Variants in UTP20 observed in about 807,000 individuals in gnomAD.
UTP20 encodes the protein UTP20 small subunit processome component.
A neutral mutation model predicts 329.5 loss-of-function variants in UTP20; 164 were observed. The ratio of observed to expected loss-of-function variants is 0.50; its 90% CI spans 0.44 to 0.57. The LOEUF (loss-of-function observed/expected upper bound fraction) is 0.57, where lower values mean the gene tolerates loss of function less well. Among genes scored for constraint, UTP20 ranks in the 20% least tolerant of loss-of-function variants. The pLI, the probability that UTP20 is intolerant of heterozygous loss-of-function variation, is 0.00. For missense variants in UTP20, 3,055 were observed against 3,284.2 expected (o/e 0.93, Z 1.71); for synonymous variants, 1,151 against 1,159.3 (o/e 0.99, Z 0.14).
At position 101,344,694 on chromosome 12, in the gene UTP20, A is replaced by G; in HGVS notation, c.4549A>G (p.Ile1517Val). The G allele has an allele frequency of 6.2e-7, 1 of 1,613,208 alleles. No individual in the cohort carries two copies. Among genetic ancestry groups the G allele is most frequent in the Non-Finnish European group, 8.5e-7 (1 of 1,179,156 alleles). Residue 1517 changes from isoleucine (I) to valine (V), a missense_variant, in exon 36 of 62, where the codon ATC becomes GTC. This residue lies in a region of UTP20 where 2,445 missense variants were observed against 2,575.5 expected (regional missense o/e 0.95). Coordinates refer to ENST00000261637, the MANE Select transcript of UTP20 (RefSeq NM_014503.3). ...LNVTEKDYRE[I>V]IHRSLLEKLR... Reference sequence around the variant, plus strand: ...TGTCACAGAGAAAGACTATAGAGAAATCATCCACCGTTCACTCCTGGAGAA... The same window carrying G: ...TGTCACAGAGAAAGACTATAGAGAAGTCATCCACCGTTCACTCCTGGAGAA...
chr12:101,305,179 AC>A (rs1872616698), intron 15 of UTP20, among the ~76,000 whole-genome samples: 1 of 151,442 alleles, frequency 6.6e-6, no homozygotes, highest in South Asian at 2.1e-4. Context: ...GTTTCTCCAA[AC>A]CTGGTTTCAT....
intron 21 of UTP20, among the ~76,000 whole-genome samples, chr12:101,315,811 A>G (rs1230524995): frequency 6.6e-6 from 1 of 152,170 alleles, no homozygotes; most frequent in Non-Finnish European, 1.5e-5. Context: ...ACTTCATACC[A>G]TGTTAATTTT....
intron 51 of UTP20, 35 bp downstream of exon 51, chr12:101,371,203 T>C: frequency 2.0e-6 from 3 of 1,486,846 alleles, no homozygotes; most frequent in East Asian, 4.8e-5. Context: ...TAGCAAGGGC[T>C]GGGCCCTGCC....
At chr12:101,355,241 C>T in intron 41 of UTP20, 123 bp downstream of exon 41, 1 of 1,137,930 alleles carries the variant, frequency 8.8e-7, no homozygotes, top group East Asian at 2.5e-5. Flanking sequence ...TTTATCTCAA[C>T]ACTTCACAAT....
At position 101,338,868 on chromosome 12, in the gene UTP20, G is replaced by T. The variant is rs761558757; in HGVS notation, c.3924G>T (p.Gln1308His). 3 of 1,612,180 alleles carry T rather than the reference G, an allele frequency of 1.9e-6. No individual in the cohort carries two copies. Among genetic ancestry groups the T allele is most frequent in the Admixed American group, 1.7e-5 (1 of 59,560 alleles). Residue 1308 changes from glutamine (Q) to histidine (H), a missense_variant, in exon 31 of 62, where the codon CAG becomes CAT. Gln to His is a conservative substitution (Grantham distance 24). Coordinates refer to ENST00000261637, the MANE Select transcript of UTP20 (RefSeq NM_014503.3). ...TACCTCATGTACCTGCAATTCTTCA[G>T]TATCTCAGCAAAACCACAATAAGCG... ...LILPHVPAIL[Q>H]YLSKTTISAE...
intron 21 of UTP20, among the ~76,000 whole-genome samples, chr12:101,313,017 GAC>G (rs1339065265): frequency 6.6e-6 from 1 of 152,118 alleles, no homozygotes; most frequent in Non-Finnish European, 1.5e-5. Context: ...ATTTTCCAGT[GAC>G]CCAACAGCAA....
chr12:101,303,176 A>G (rs1397911918), intron 15 of UTP20, among the ~76,000 whole-genome samples: 1 of 152,176 alleles, frequency 6.6e-6, no homozygotes, highest in East Asian at 1.9e-4. Context: ...CACTTTGTTC[A>G]GTAGGTAATC....
At chr12:101,327,463 TA>T (rs1372006093) in intron 26 of UTP20, among the ~76,000 whole-genome samples, 1 of 152,250 alleles carries the variant, frequency 6.6e-6, no homozygotes, top group African/African-American at 2.4e-5. Flanking sequence ...ACCCTTGTGT[TA>T]GAGCCCCTGA....
chr12:101,287,509 T>C (rs897697494), intron 5 of UTP20, among the ~76,000 whole-genome samples: 9 of 152,260 alleles, frequency 5.9e-5, no homozygotes, highest in African/African-American at 2.2e-4. Flanking sequence ...CTATTTTCAC[T>C]TGTATTACTG....
intron 12 of UTP20, among the ~76,000 whole-genome samples, chr12:101,299,236 A>G (rs1156779173): frequency 6.6e-6 from 1 of 152,204 alleles, no homozygotes; most frequent in African/African-American, 2.4e-5. Context: ...GCAGGAGAAA[A>G]TTACTTATAT....
At chr12:101,292,366 T>C (rs1872187190) in intron 10 of UTP20, among the ~76,000 whole-genome samples, 1 of 152,206 alleles carries the variant, frequency 6.6e-6, no homozygotes, top group African/African-American at 2.4e-5. Context: ...TAAGCACATA[T>C]TGCAGTAAGC....
At position 101,280,170 on chromosome 12, in the gene UTP20, T is replaced by C; in HGVS notation, c.-113T>C. ...GGCTCAAGCCGCACGTGAGAAAGTC[T>C]GGGCATCTGGGAATCGGAGAGTATA... is the stretch of plus-strand genomic sequence containing the variant. On this transcript the variant is annotated 5_prime_UTR_variant, in exon 1 of 62. Coordinates refer to ENST00000261637, the MANE Select transcript of UTP20 (RefSeq NM_014503.3). The C allele has an allele frequency of 7.3e-7, 1 of 1,365,728 alleles. No individual in the cohort carries two copies. The allele number at this position is 1,365,728 out of a possible 1,614,324, so 84.6% of individuals were successfully genotyped here. A position where few individuals can be genotyped will look rare whatever the true frequency, so the allele number is the denominator to read the frequency against.
chr12:101,348,695 T>C (rs540482500), intron 38 of UTP20, among the ~76,000 whole-genome samples: 10 of 150,942 alleles, frequency 6.6e-5, no homozygotes, highest in Non-Finnish European at 1.3e-4. Context: ...GGAGGATTTT[T>C]TTGTTGTTGT....
At chr12:101,350,006 C>G (rs944155659) in intron 38 of UTP20, among the ~76,000 whole-genome samples, 1 of 152,040 alleles carries the variant, frequency 6.6e-6, no homozygotes, top group Non-Finnish European at 1.5e-5. Context: ...TCTTCCCTCT[C>G]AGAATTGTCT....
chr12:101,326,809 A>G, intron 25 of UTP20: 1 of 222,556 alleles, frequency 4.5e-6, no homozygotes, highest in Non-Finnish European at 8.7e-6. Context: ...GGCTGGCTTT[A>G]AACTCCTGAG....
Position 101,354,813 on chromosome 12 carries a change from T to A in UTP20, c.5108-19T>A. On this transcript the variant is annotated intron_variant, in intron 40 of 61. Transcript: ENST00000261637. The stretch of plus-strand genomic sequence containing the variant: ...TCATTATTTGCTTTAAGGTGACTTT[T>A]GTTGTTTATTAAACATAGACGCAAT... 6.2e-7 allele frequency: 1 copy of A among 1,602,722 alleles called. No individual in the cohort carries two copies. The highest frequency in any genetic ancestry group is 1.1e-5 in the South Asian group (1 of 89,196).
intron 21 of UTP20, 42 bp from the exon 22 acceptor site, chr12:101,317,436 T>A: frequency 6.3e-7 from 1 of 1,597,292 alleles, no homozygotes; most frequent in South Asian, 1.1e-5. Flanking sequence ...CAGATTGGTG[T>A]GCGTTCTTCA....
Position 101,280,111 on chromosome 12 carries a change from G to C in UTP20, c.-172G>C, listed in dbSNP as rs1374285001. The stretch of plus-strand genomic sequence containing the variant: ...TTTTCCGTCCACGTGACCCACTCAG[G>C]CTCCTCCTTGTCTCCAACATGGCGG... On this transcript the variant is annotated 5_prime_UTR_variant, in exon 1 of 62. Transcript: ENST00000261637. 17 of 785,938 alleles carry C rather than the reference G, an allele frequency of 2.2e-5. No individual in the cohort carries two copies. Among genetic ancestry groups the C allele is most frequent in the Middle Eastern group, 2.4e-4 (1 of 4,128 alleles). 48.7% of individuals were successfully genotyped at this position (785,938 alleles called of 1,614,324 possible).
At chr12:101,301,010 A>T (rs1286169491) in intron 14 of UTP20, among the ~76,000 whole-genome samples, 1 of 152,226 alleles carries the variant, frequency 6.6e-6, no homozygotes, top group Non-Finnish European at 1.5e-5. Flanking sequence ...GGCCACATTC[A>T]GTCTTTGTGG....
Sources: allele counts gnomAD v4.1 joint callset (sites outside exome capture counted in the v4.1 genomes callset), GRCh38; gene constraint gnomAD v4.1.1; regional missense constraint gnomAD v4.1.1; transcripts MANE v1.5; gene names NCBI Gene and HGNC (gene_info 2026-07-23, HGNC 2026-07-21).